The following SEMA6D variants were observed in gnomAD, a reference collection of about 807,000 sequenced individuals.
SEMA6D encodes the protein semaphorin 6D.
Under a neutral mutation model 106.6 loss-of-function variants are expected in SEMA6D, and 35 were observed. That is an observed-to-expected ratio of 0.33 (90% CI 0.25 to 0.44). SEMA6D has a LOEUF of 0.44. Among genes scored for constraint, SEMA6D ranks in the 20% least tolerant of loss-of-function variants. SEMA6D has a pLI of 1.00. For missense variants in SEMA6D, 1,185 were observed against 1,345.9 expected (o/e 0.88, Z 1.87); for synonymous variants, 499 against 487.7 (o/e 1.02, Z -0.31).
chr15:47,342,402 G>T (rs1240045187), intron 1 of SEMA6D, among the ~76,000 whole-genome samples: 1 of 152,174 alleles, frequency 6.6e-6, no homozygotes, highest in African/African-American at 2.4e-5. Context: ...GAAGTAATGG[G>T]CAATAACATC....
At chr15:47,554,602 G>A (rs1252145533) in intron 3 of SEMA6D, among the ~76,000 whole-genome samples, 1 of 152,110 alleles carries the variant, frequency 6.6e-6, no homozygotes, top group Non-Finnish European at 1.5e-5. Flanking sequence ...TCTCCATTTT[G>A]TCATCCTGCT....
chr15:47,581,853 G>A (rs1481504406), intron 3 of SEMA6D, among the ~76,000 whole-genome samples: 1 of 152,096 alleles, frequency 6.6e-6, no homozygotes, highest in Non-Finnish European at 1.5e-5. Context: ...TATACTTCAT[G>A]CCCAAGGTCA....
At chr15:47,319,458 C>G (rs1012670666) in intron 1 of SEMA6D, among the ~76,000 whole-genome samples, 1 of 152,016 alleles carries the variant, frequency 6.6e-6, no homozygotes, top group Non-Finnish European at 1.5e-5. Flanking sequence ...CTCTATAGTC[C>G]TATAAGTAGG....
At chr15:47,277,227 A>G (rs577825314) in intron 1 of SEMA6D, among the ~76,000 whole-genome samples, 8 of 152,286 alleles carry the variant, frequency 5.3e-5, no homozygotes, top group Non-Finnish European at 1.5e-5. Context: ...CAAAAGATCT[A>G]GACTATTATG....
chr15:47,607,469 C>A (rs1271030081), intron 4 of SEMA6D, among the ~76,000 whole-genome samples: 1 of 152,210 alleles, frequency 6.6e-6, no homozygotes, highest in Non-Finnish European at 1.5e-5. Context: ...CCCTTTCCAC[C>A]TACCTACTAT....
At chr15:47,565,054 C>T (rs1464690755) in intron 3 of SEMA6D, among the ~76,000 whole-genome samples, 1 of 152,162 alleles carries the variant, frequency 6.6e-6, no homozygotes, top group Non-Finnish European at 1.5e-5. Context: ...TCCTTTAATT[C>T]TTTCATGTGA....
chr15:47,727,868 C>T (rs1241281176), intron 1 of SEMA6D, among the ~76,000 whole-genome samples: 4 of 152,128 alleles, frequency 2.6e-5, no homozygotes, highest in Non-Finnish European at 5.9e-5. Flanking sequence ...TTGCCTGCTG[C>T]GGTCAGGATG....
chr15:47,680,718 A>G (rs955895122), intron 4 of SEMA6D, among the ~76,000 whole-genome samples: 8 of 152,224 alleles, frequency 5.3e-5, no homozygotes, highest in African/African-American at 1.9e-4. Flanking sequence ...TCCAAAATAT[A>G]TAAGGAACTT....
intron 3 of SEMA6D, among the ~76,000 whole-genome samples, chr15:47,513,160 T>C (rs16959618): frequency 0.25 from 37,796 of 151,878 alleles, 5,393 homozygotes; most frequent in East Asian, 0.47. Context: ...TGGGTGGATA[T>C]TGGGGAATAA....
chr15:47,470,112 T>C (rs73388925), intron 2 of SEMA6D, among the ~76,000 whole-genome samples: 6,773 of 152,278 alleles, frequency 0.044, 407 homozygotes, highest in African/African-American at 0.14. Flanking sequence ...AGAGACATAC[T>C]TTAACCAAAA....
chr15:47,539,303 C>T (rs1327743003), intron 3 of SEMA6D, among the ~76,000 whole-genome samples: 1 of 151,944 alleles, frequency 6.6e-6, no homozygotes, highest in Non-Finnish European at 1.5e-5. Flanking sequence ...AAATTTATTC[C>T]CAAAAGAAAT....
chr15:47,384,204 C>T (rs1211955049), intron 1 of SEMA6D, among the ~76,000 whole-genome samples: 1 of 152,168 alleles, frequency 6.6e-6, no homozygotes, highest in East Asian at 1.9e-4. Context: ...AATAGAAAAG[C>T]CCAAACATTG....
chr15:47,702,337 G>A lies in SEMA6D; in HGVS notation c.-54-57408G>A, dbSNP rs369096620. On this transcript the variant is annotated intron_variant, in intron 4 of 19. Coordinates refer to the SEMA6D transcript ENST00000558014. ...GCAGGATACTGCCACACACCTATTA[G>A]AATGACCAAAATTCAGAACACTGAC... is the stretch of plus-strand genomic sequence containing the variant. Among the ~76,000 whole-genome samples the A allele has an allele frequency of 3.9e-5, 6 of 152,270 alleles. No individual in the cohort carries two copies. The East Asian group carries it at 9.7e-4, about 25-fold the overall frequency.
intron 1 of SEMA6D, among the ~76,000 whole-genome samples, chr15:47,271,412 G>A (rs1183851074): frequency 6.6e-6 from 1 of 152,288 alleles, no homozygotes; most frequent in South Asian, 2.1e-4. Context: ...CTGTGTCTAG[G>A]TAAATAAAAG....
chr15:47,760,169 A>G, intron 2 of SEMA6D, 135 bp from the exon 3 acceptor site: 1 of 666,286 alleles, frequency 1.5e-6, no homozygotes, highest in Non-Finnish European at 2.6e-6. Context: ...CCTTTTATTC[A>G]TTTATATTCA....
chr15:47,512,249 C>T (rs1462979681), intron 3 of SEMA6D, among the ~76,000 whole-genome samples: 1 of 152,168 alleles, frequency 6.6e-6, no homozygotes, highest in Non-Finnish European at 1.5e-5. Flanking sequence ...TGCACCTTTC[C>T]CACATTGCAT....
intron 1 of SEMA6D, among the ~76,000 whole-genome samples, chr15:47,267,369 T>C (rs1357022635): frequency 1.3e-5 from 2 of 152,036 alleles, no homozygotes; most frequent in Non-Finnish European, 2.9e-5. Context: ...TTTTTCTTTA[T>C]CCTCAAAATT....
At chr15:47,535,877 C>T (rs1334225136) in intron 3 of SEMA6D, among the ~76,000 whole-genome samples, 1 of 152,036 alleles carries the variant, frequency 6.6e-6, no homozygotes, top group African/African-American at 2.4e-5. Flanking sequence ...TAAGTGAAAG[C>T]AGCACACTGG....
chr15:47,215,073 G>C (rs1293620302), intron 1 of SEMA6D, among the ~76,000 whole-genome samples: 1 of 118,878 alleles, frequency 8.4e-6, no homozygotes, highest in Non-Finnish European at 1.8e-5. Context: ...GACAGAAATA[G>C]ATTTTCACTT....
Sources: gnomAD v4.1 joint callset for allele counts (sites outside exome capture counted in the v4.1 genomes callset) on GRCh38, gnomAD v4.1.1 for gene constraint, MANE v1.5 for transcripts, NCBI Gene and HGNC (gene_info 2026-07-23, HGNC 2026-07-21) for gene names.